The following IL36B variants were observed in gnomAD, a reference collection of about 807,000 sequenced individuals.
IL36B encodes interleukin 36 beta, also known as interleukin-36 beta.
In IL36B, 23 loss-of-function variants were observed where a neutral mutation model predicts 19.3. The ratio of observed to expected loss-of-function variants is 1.19; its 90% confidence interval spans 0.86 to 1.69. The LOEUF (loss-of-function observed/expected upper bound fraction) is 1.69. Ranked by LOEUF, IL36B falls within the 40% of genes most tolerant of loss-of-function variation. The pLI, the probability that IL36B is intolerant of heterozygous loss-of-function variation, is 0.00. For missense variants in IL36B, 217 were observed against 200.5 expected, an observed-to-expected ratio of 1.08 and a Z score of -0.50; for synonymous variants, 59 against 59.7, an observed-to-expected ratio of 0.99 and a Z score of 0.05.
Position 113,031,075 on chromosome 2 carries a change from C to G in IL36B, c.94G>C (p.Ala32Pro). 4 of 1,613,480 alleles carry G rather than the reference C, an allele frequency of 2.5e-6. No homozygotes were observed. Among genetic ancestry groups the G allele is most frequent in the Non-Finnish European group, 3.4e-6 (4 of 1,179,398 alleles). ...GGCTTAATGCTGCGGCTAAGAGGAGCTGCTATTAAAGAATTTCCACTCAGG... is the reference window on the plus strand; with the variant it reads ...GGCTTAATGCTGCGGCTAAGAGGAGGTGCTATTAAAGAATTTCCACTCAGG... Residue 32 changes from alanine to proline, a missense_variant, in exon 3 of 6, where the codon GCT (alanine) becomes CCT (proline). Physicochemically the swap from Ala to Pro is conservative, Grantham distance 27. Coordinates refer to ENST00000259213, the MANE Select transcript of IL36B (RefSeq NM_014438.5).
chr2:113,051,914 C>A (rs1204444582), intron 1 of IL36B, among the ~76,000 whole-genome samples: 1 of 151,922 alleles, frequency 6.6e-6, no homozygotes, highest in Non-Finnish European at 1.5e-5. Context: ...GTCTCTGCAC[C>A]AACTCTGTTG....
At chr2:113,029,971 G>A (rs543597126) in intron 3 of IL36B, among the ~76,000 whole-genome samples, 50 of 152,304 alleles carry the variant, frequency 3.3e-4, no homozygotes, top group African/African-American at 7.7e-4. Flanking sequence ...GGTGGCTCAC[G>A]CCTGTAATCC....
chr2:113,045,472 C>G (rs547985653), intron 1 of IL36B, among the ~76,000 whole-genome samples: 3 of 152,102 alleles, frequency 2.0e-5, no homozygotes, highest in South Asian at 4.1e-4. Context: ...TTCATGTGCA[C>G]GGGGTCATCA....
rs553929896 is a variant in IL36B, at chr2:113,051,018, G to A, written c.-58+1799C>T. On this transcript the variant is annotated intron_variant, in intron 1 of 5. Transcript: ENST00000259213. ...GCCTGGCCTCCTGATCCTTGAATCGGAGGCCGTGCCTCTCAGCGTGGCCTC... is the reference window on the plus strand; with the variant it reads ...GCCTGGCCTCCTGATCCTTGAATCGAAGGCCGTGCCTCTCAGCGTGGCCTC... Among the ~76,000 whole-genome samples, 5 of 151,970 alleles carry A rather than the reference G, an allele frequency of 3.3e-5. No homozygotes were observed. In the East Asian group the frequency reaches 5.8e-4, roughly 18 times the overall value.
intron 3 of IL36B, among the ~76,000 whole-genome samples, chr2:113,029,846 C>T (rs912784831): frequency 6.6e-6 from 1 of 152,108 alleles, no homozygotes; most frequent in Admixed American, 6.5e-5. Context: ...CTGAGGAACG[C>T]CATCATTTGG....
chr2:113,045,322 C>CA (rs1436765704), intron 1 of IL36B, among the ~76,000 whole-genome samples: 2 of 152,046 alleles, frequency 1.3e-5, no homozygotes, highest in African/African-American at 2.4e-5. Context: ...TTGATTCTGA[C>CA]AAAAAATCTG....
chr2:113,026,313 A>T (rs1028873510), intron 4 of IL36B: 1 of 1,584,914 alleles, frequency 6.3e-7, no homozygotes, highest in African/African-American at 1.3e-5. Context: ...CACGGCAATG[A>T]CTGGAGTAAA....
At chr2:113,051,924 G>A (rs539876669) in intron 1 of IL36B, among the ~76,000 whole-genome samples, 1 of 151,600 alleles carries the variant, frequency 6.6e-6, no homozygotes, top group African/African-American at 2.4e-5. Flanking sequence ...CAACTCTGTT[G>A]GTTTCTATTA....
At position 113,022,454 on chromosome 2, in the gene IL36B, G is replaced by A. The variant is rs1023916057; in HGVS notation, c.*220C>T. Reference sequence around the variant, plus strand: ...AAGGACTGGACAAAACACATTTACAGGTTATGTAGTCCAAATCTACTCCTA... The same window carrying A: ...AAGGACTGGACAAAACACATTTACAAGTTATGTAGTCCAAATCTACTCCTA... On this transcript the variant is annotated 3_prime_UTR_variant, in exon 6 of 6. Coordinates refer to ENST00000259213, the MANE Select transcript of IL36B (RefSeq NM_014438.5). The A allele has an allele frequency of 2.0e-5, 9 of 445,288 alleles. No individual in the cohort carries two copies. Among genetic ancestry groups the A allele is most frequent in the Non-Finnish European group, 2.8e-5 (7 of 246,620 alleles). 27.6% of individuals were successfully genotyped at this position (445,288 alleles called of 1,614,324 possible). A position where few individuals can be genotyped will look rare whatever the true frequency, so the allele number is the denominator to read the frequency against.
At chr2:113,027,617 G>T (rs1392057236) in intron 4 of IL36B, 9 of 1,238,486 alleles carry the variant, frequency 7.3e-6, no homozygotes, top group Admixed American at 3.8e-5. Flanking sequence ...AGCAGCATTT[G>T]GGGGGTTGAC....
chr2:113,024,430 C>T (rs548123544), intron 5 of IL36B, among the ~76,000 whole-genome samples: 1 of 152,288 alleles, frequency 6.6e-6, no homozygotes, highest in Admixed American at 6.5e-5. Context: ...AGGAATTAGC[C>T]TACCTCCTTG....
chr2:113,046,271 A>G (rs1685348255), intron 1 of IL36B, among the ~76,000 whole-genome samples: 1 of 147,658 alleles, frequency 6.8e-6, no homozygotes, highest in Non-Finnish European at 1.5e-5. Flanking sequence ...GTGCAGTGGC[A>G]CCATCTCGGC....
chr2:113,049,810 C>A (rs1209453446), intron 1 of IL36B, among the ~76,000 whole-genome samples: 1 of 152,068 alleles, frequency 6.6e-6, no homozygotes, highest in African/African-American at 2.4e-5. Flanking sequence ...CAAAAGTTAG[C>A]CAGGCATGGT....
At position 113,022,727 on chromosome 2, in the gene IL36B, C is replaced by T. The variant is rs1558829271; in HGVS notation, c.442G>A (p.Asp148Asn). The change falls in exon 6 of 6, where the codon GAC (aspartate) becomes AAC (asparagine). Residue 148 changes from aspartate (D) to asparagine (N), a missense_variant. Coordinates refer to ENST00000259213, the MANE Select transcript of IL36B (RefSeq NM_014438.5). ...GTCCGCATGGATGAGAAATCTTTGT[C>T]CTTCTTCCTGAGATGGTGATGTTGA... The T allele has an allele frequency of 2.5e-6, 4 of 1,613,398 alleles. No homozygotes were observed. The African/African-American group carries it at 4.0e-5, about 16-fold the overall frequency.
At chr2:113,024,997 T>A (rs1388298983) in intron 5 of IL36B, among the ~76,000 whole-genome samples, 3 of 152,220 alleles carry the variant, frequency 2.0e-5, no homozygotes, top group Non-Finnish European at 1.5e-5. Context: ...GCTCCTTCTC[T>A]TGTGCCCCTA....
At chr2:113,041,213 A>G (rs185832017) in intron 1 of IL36B, among the ~76,000 whole-genome samples, 5 of 152,304 alleles carry the variant, frequency 3.3e-5, no homozygotes, top group Admixed American at 6.5e-5. Context: ...TTGGAGAAAG[A>G]TGATCCAAGA....
intron 1 of IL36B, among the ~76,000 whole-genome samples, chr2:113,034,000 G>T (rs1386726713): frequency 1.3e-5 from 2 of 152,114 alleles, no homozygotes; most frequent in African/African-American, 4.8e-5. Context: ...CCTTGCTTCT[G>T]TTCTTACCTC....
At chr2:113,049,039 G>A (rs1312554897) in intron 1 of IL36B, among the ~76,000 whole-genome samples, 3 of 152,166 alleles carry the variant, frequency 2.0e-5, no homozygotes, top group Non-Finnish European at 4.4e-5. Flanking sequence ...ACTGATGATG[G>A]CAGTTGTGTT....
chr2:113,044,397 A>G (rs1287224302), intron 1 of IL36B, among the ~76,000 whole-genome samples: 1 of 151,672 alleles, frequency 6.6e-6, no homozygotes, highest in Non-Finnish European at 1.5e-5. Flanking sequence ...AGCTCAAGTG[A>G]TCCTACCACC....
Sources: allele counts gnomAD v4.1 joint callset (sites outside exome capture counted in the v4.1 genomes callset), GRCh38; gene constraint gnomAD v4.1.1; transcripts MANE v1.5; gene names NCBI Gene and HGNC (gene_info 2026-07-23, HGNC 2026-07-21).